STX8: variants seen among roughly 807,000 people sequenced by gnomAD.
STX8 encodes syntaxin-8.
Under a neutral mutation model 37.5 loss-of-function variants are expected in STX8, and 23 were observed. That is an observed-to-expected ratio of 0.61 (90% CI 0.44 to 0.87). STX8 has a LOEUF of 0.87. STX8 is among the 40% of genes least tolerant of loss of function. STX8 has a pLI of 0.00. For synonymous variants in STX8, 115 were observed against 99.1 expected, an observed-to-expected ratio of 1.16 and a Z score of -0.95; for missense variants, 313 against 284.7, an observed-to-expected ratio of 1.10 and a Z score of -0.71.
At chr17:9,487,501 T>A (rs1906649821) in intron 6 of STX8, among the ~76,000 whole-genome samples, 1 of 152,136 alleles carries the variant, frequency 6.6e-6, no homozygotes, top group Admixed American at 6.5e-5. Flanking sequence ...GATATACTTT[T>A]TTATCCTCAG....
At chr17:9,257,390 G>A (rs1479970408) in intron 7 of STX8, among the ~76,000 whole-genome samples, 2 of 152,092 alleles carry the variant, frequency 1.3e-5, no homozygotes, top group East Asian at 1.9e-4. Context: ...AGCAAAATAC[G>A]GAGCTTGTGC....
chr17:9,269,215 G>A (rs1907360153), intron 7 of STX8, among the ~76,000 whole-genome samples: 1 of 151,980 alleles, frequency 6.6e-6, no homozygotes, highest in Non-Finnish European at 1.5e-5. Flanking sequence ...AAGTATTTGA[G>A]GCCCAAGGAG....
intron 4 of STX8, among the ~76,000 whole-genome samples, chr17:9,535,447 T>C (rs1210485271): frequency 7.8e-6 from 1 of 128,630 alleles, no homozygotes; most frequent in Non-Finnish European, 1.6e-5. Context: ...TTTTTTTTTT[T>C]TTTGAGACGG....
intron 4 of STX8, among the ~76,000 whole-genome samples, chr17:9,505,909 T>G (rs1488107110): frequency 7.1e-6 from 1 of 141,632 alleles, no homozygotes; most frequent in Non-Finnish European, 1.5e-5. Flanking sequence ...GCCACTGCAC[T>G]GCAGCCTGGG....
At chr17:9,569,683 C>T (rs1907605570) in intron 1 of STX8, 1 of 152,130 alleles carries the variant, frequency 6.6e-6, no homozygotes, top group Non-Finnish European at 1.5e-5. Context: ...TGCGGTGGCT[C>T]ACGCTTGTAA....
intron 6 of STX8, among the ~76,000 whole-genome samples, chr17:9,411,600 A>G (rs986814014): frequency 2.6e-5 from 4 of 152,204 alleles, no homozygotes; most frequent in African/African-American, 9.7e-5. Flanking sequence ...GAAAATTCCT[A>G]TGTTACATAG....
At chr17:9,563,768 A>C (rs1266991986) in intron 2 of STX8, among the ~76,000 whole-genome samples, 1 of 152,174 alleles carries the variant, frequency 6.6e-6, no homozygotes, top group Non-Finnish European at 1.5e-5. Flanking sequence ...GCAACTCCTG[A>C]AAATGAATAA....
chr17:9,456,972 T>C (rs1161074546), intron 6 of STX8, among the ~76,000 whole-genome samples: 1 of 152,190 alleles, frequency 6.6e-6, no homozygotes, highest in Admixed American at 6.5e-5. Context: ...TAAGTACGTA[T>C]GCATCTTGCT....
Position 9,507,901 on chromosome 17 carries a change from C to T in STX8, c.324-2739G>A, listed in dbSNP as rs1292076183. Reference sequence around the variant, plus strand: ...GCCAATGCATCCCACTGAACCAACACCCCAAGATCCATTCATACAAATATT... The same window carrying T: ...GCCAATGCATCCCACTGAACCAACATCCCAAGATCCATTCATACAAATATT... On this transcript the variant is annotated intron_variant, in intron 4 of 7. Coordinates refer to ENST00000306357, the MANE Select transcript of STX8 (RefSeq NM_004853.3). This position sits in a 1 kb window ranked among gnomAD's most constrained non-coding sequence, Gnocchi z 4.0. 6.6e-6 allele frequency among the ~76,000 whole-genome samples: 1 copy of T among 152,152 alleles called. No individual in the cohort carries two copies. The highest frequency in any genetic ancestry group is 1.5e-5 in the Non-Finnish European group (1 of 68,020).
chr17:9,275,037 C>T (rs1842585843), intron 7 of STX8, among the ~76,000 whole-genome samples: 2 of 152,080 alleles, frequency 1.3e-5, no homozygotes, highest in African/African-American at 4.8e-5. Context: ...AGGCATGAGC[C>T]ACCGCGCCTG....
At chr17:9,314,026 C>T (rs924845525) in intron 7 of STX8, among the ~76,000 whole-genome samples, 3 of 152,192 alleles carry the variant, frequency 2.0e-5, no homozygotes, top group South Asian at 2.1e-4. Flanking sequence ...CATCACTGAT[C>T]TCATTTGGTT....
chr17:9,274,868 A>G (rs1168442699), intron 7 of STX8, among the ~76,000 whole-genome samples: 4 of 142,674 alleles, frequency 2.8e-5, no homozygotes, highest in Non-Finnish European at 4.5e-5. Flanking sequence ...CTCCTGCTTC[A>G]GCCTCCCAAG....
At chr17:9,400,144 C>T (rs559718174) in intron 6 of STX8, among the ~76,000 whole-genome samples, 1 of 150,546 alleles carries the variant, frequency 6.6e-6, no homozygotes, top group East Asian at 2.0e-4. Context: ...ACTCTGTCGC[C>T]CAGGCTGGAG....
intron 7 of STX8, among the ~76,000 whole-genome samples, chr17:9,302,145 T>C (rs1377713673): frequency 6.6e-6 from 1 of 152,218 alleles, no homozygotes; most frequent in Non-Finnish European, 1.5e-5. Flanking sequence ...TAATTACTCT[T>C]TAAACTATTT....
chr17:9,299,041 C>G (rs914633424), intron 7 of STX8, among the ~76,000 whole-genome samples: 71 of 152,172 alleles, frequency 4.7e-4, no homozygotes, highest in African/African-American at 1.3e-3. Flanking sequence ...CGAGCCCTCT[C>G]TCACTTTCCT....
At chr17:9,298,838 A>AAAACC (rs921316528) in intron 7 of STX8, among the ~76,000 whole-genome samples, 2 of 152,158 alleles carry the variant, frequency 1.3e-5, no homozygotes, top group African/African-American at 2.4e-5. Context: ...AAAACAAAAC[A>AAAACC]AAACCAAACC....
At chr17:9,494,477 T>C (rs1017069364) in intron 5 of STX8, among the ~76,000 whole-genome samples, 7 of 151,466 alleles carry the variant, frequency 4.6e-5, no homozygotes, top group African/African-American at 1.7e-4. Context: ...ACAAACATTA[T>C]CTGGGTGTGG....
intron 6 of STX8, among the ~76,000 whole-genome samples, chr17:9,440,973 C>T (rs1480411285): frequency 6.6e-6 from 1 of 152,186 alleles, no homozygotes; most frequent in Non-Finnish European, 1.5e-5. Flanking sequence ...GGCTGGCCTC[C>T]TCTCCATCTC....
intron 1 of STX8, among the ~76,000 whole-genome samples, chr17:9,574,693 C>A (rs113779067): frequency 0.025 from 3,808 of 152,194 alleles, 57 homozygotes; most frequent in South Asian, 0.036. Flanking sequence ...TACTACCATG[C>A]CCGGCTAATT....
Sources: allele counts gnomAD v4.1 joint callset (sites outside exome capture counted in the v4.1 genomes callset), GRCh38; gene constraint gnomAD v4.1.1; non-coding constraint Gnocchi (gnomAD v3.1); transcripts MANE v1.5; gene names NCBI Gene and HGNC (gene_info 2026-07-23, HGNC 2026-07-21).